CCND3: variants seen among roughly 807,000 people sequenced by gnomAD.
CCND3 encodes the protein G1/S-specific cyclin-D3.
CCND3 carries 9 observed loss-of-function variants against 28.7 expected under a neutral mutation model. The ratio of observed to expected loss-of-function variants is 0.31; its 90% CI spans 0.19 to 0.55. The LOEUF (loss-of-function observed/expected upper bound fraction) is 0.55. Among genes scored for constraint, CCND3 ranks in the 20% least tolerant of loss-of-function variants. The pLI is 0.93. For synonymous variants in CCND3, 164 were observed against 163.9 expected (o/e 1.00, Z 0.00); for missense variants, 315 against 385.8 (o/e 0.82, Z 1.54).
rs781708411 is a variant in CCND3, at chr6:41,936,147, C to T, written c.712-40G>A. ...GAAGAGTGAGGAGCAAACACTCCCCCCATAGCATCTGGCAGCAGGTGCAGG... is the reference window on the plus strand; with the variant it reads ...GAAGAGTGAGGAGCAAACACTCCCCTCATAGCATCTGGCAGCAGGTGCAGG... On this transcript the variant is annotated intron_variant, in intron 4 of 4. Coordinates refer to ENST00000372991, the MANE Select transcript of CCND3 (RefSeq NM_001760.5). The surrounding 1 kb of genome is among the most constrained non-coding windows in gnomAD (Gnocchi z 4.4). The T allele has an allele frequency of 2.2e-5, 33 of 1,529,430 alleles. No individual in the cohort carries two copies. The Admixed American group carries it at 6.4e-4, about 30-fold the overall frequency. 94.7% of individuals were successfully genotyped at this position (1,529,430 alleles called of 1,614,324 possible).
chr6:42,007,357 T>C (rs1024146868), intron 1 of CCND3, among the ~76,000 whole-genome samples: 1 of 152,132 alleles, frequency 6.6e-6, no homozygotes, highest in African/African-American at 2.4e-5. Flanking sequence ...TGGATGGCCA[T>C]GAGGGTGGCT....
At position 41,941,054 on chromosome 6, in the gene CCND3, A is replaced by G; in HGVS notation, c.198+398T>C. The G allele has an allele frequency of 6.3e-7, 1 of 1,592,284 alleles. No homozygotes were observed. Among genetic ancestry groups the G allele is most frequent in the Non-Finnish European group, 8.6e-7 (1 of 1,168,134 alleles). ...CACCCCCATCGCCTTCCCCGCCAGAACCCCGCGAAAGACACAGGAACCGGC... is the reference window on the plus strand; with the variant it reads ...CACCCCCATCGCCTTCCCCGCCAGAGCCCCGCGAAAGACACAGGAACCGGC... On this transcript the variant is annotated intron_variant, in intron 1 of 4. Coordinates refer to ENST00000372991, the MANE Select transcript of CCND3 (RefSeq NM_001760.5). The surrounding 1 kb of genome is among the most constrained non-coding windows in gnomAD (Gnocchi z 6.1).
At chr6:41,985,561 C>G (rs1184510503) in intron 1 of CCND3, among the ~76,000 whole-genome samples, 2 of 150,994 alleles carry the variant, frequency 1.3e-5, no homozygotes, top group African/African-American at 4.9e-5. Flanking sequence ...GTAATCCACC[C>G]GCCTCGGCCT....
intron 1 of CCND3, among the ~76,000 whole-genome samples, chr6:41,954,619 G>A (rs969068962): frequency 2.0e-5 from 3 of 151,704 alleles, no homozygotes; most frequent in African/African-American, 7.3e-5. Context: ...GGCTGGTCTT[G>A]AACTCCTGGC....
At chr6:41,974,097 C>T (rs1391250566) in intron 1 of CCND3, among the ~76,000 whole-genome samples, 1 of 152,132 alleles carries the variant, frequency 6.6e-6, no homozygotes, top group African/African-American at 2.4e-5. Flanking sequence ...GCAGGGGAAT[C>T]GCTTGAACCC....
intron 1 of CCND3, among the ~76,000 whole-genome samples, chr6:41,947,376 A>G (rs1015086581): frequency 6.6e-6 from 1 of 152,226 alleles, no homozygotes; most frequent in Non-Finnish European, 1.5e-5. Flanking sequence ...CAACACCACA[A>G]GGATGTCCGA....
At chr6:41,946,878 A>G (rs1478435310) in intron 1 of CCND3, among the ~76,000 whole-genome samples, 4 of 152,062 alleles carry the variant, frequency 2.6e-5, no homozygotes, top group African/African-American at 9.7e-5. Flanking sequence ...TGAAGTCAGG[A>G]GTTCAAGACC....
At chr6:42,003,208 A>G (rs1763066344) in intron 1 of CCND3, among the ~76,000 whole-genome samples, 1 of 82,396 alleles carries the variant, frequency 1.2e-5, no homozygotes, top group African/African-American at 4.8e-5. Context: ...AACCAAGCAC[A>G]GAACTTATGA....
rs530798216 is a variant in CCND3, at chr6:42,001,895, A to G, written c.-46+46606T>C. Among the ~76,000 whole-genome samples the G allele has an allele frequency of 1.5e-3, 227 of 152,156 alleles. 1 individual carries two copies. The highest frequency in any genetic ancestry group is 2.3e-3 in the Non-Finnish European group (159 of 67,992). The stretch of plus-strand genomic sequence containing the variant: ...TTTGGGAGGCTGAGGTGGGTGGATC[A>G]CCTGAGGTCAGGAGTTCAAGACCAG... On this transcript the variant is annotated intron_variant, in intron 1 of 4. Coordinates refer to the CCND3 transcript ENST00000372988.
intron 1 of CCND3, among the ~76,000 whole-genome samples, chr6:41,987,515 C>CTGTGTGTGTG (rs1314945814): frequency 2.4e-5 from 1 of 41,240 alleles, no homozygotes; most frequent in African/African-American, 2.1e-4. Context: ...CTCTCTCTCT[C>CTGTGTGTGTG]TCTGTGTGTG....
intron 1 of CCND3, among the ~76,000 whole-genome samples, chr6:41,961,486 G>T (rs1761715777): frequency 6.6e-6 from 1 of 152,172 alleles, no homozygotes; most frequent in Non-Finnish European, 1.5e-5. Flanking sequence ...AGAATCGCTT[G>T]AAGCCAGGAG....
chr6:42,001,855 C>T (rs965604452), intron 1 of CCND3, among the ~76,000 whole-genome samples: 2 of 152,148 alleles, frequency 1.3e-5, no homozygotes, highest in Non-Finnish European at 2.9e-5. Flanking sequence ...TAGCTCATGC[C>T]TATAATCCCA....
intron 1 of CCND3, among the ~76,000 whole-genome samples, chr6:41,988,359 C>T (rs1387421108): frequency 2.6e-5 from 4 of 152,142 alleles, no homozygotes; most frequent in East Asian, 3.9e-4. Context: ...ATTCTTACAG[C>T]CGCTCACCAT....
In CCND3 at chr6:41,935,946, G is replaced by A. The variant is rs1775772985; in HGVS notation, c.873C>T (p.His291=). The change falls in exon 5 of 5, where the codon CAC becomes CAT. Residue 291 remains histidine (H), a synonymous_variant. Coordinates refer to ENST00000372991, the MANE Select transcript of CCND3 (RefSeq NM_001760.5). ...TSTPTDVTAI[H]L ...CCAGAGGGCCTCTCCAGGGCTACAG[G>A]TGTATGGCTGTGACATCTGTAGGAG... 1.9e-6 allele frequency: 3 copies of A among 1,610,328 alleles called. No homozygotes were observed. The highest frequency in any genetic ancestry group is 2.5e-6 in the Non-Finnish European group (3 of 1,178,542).
intron 1 of CCND3, among the ~76,000 whole-genome samples, chr6:41,971,378 G>A (rs1311790161): frequency 3.9e-5 from 6 of 151,980 alleles, no homozygotes; most frequent in African/African-American, 2.4e-5. Flanking sequence ...CCATCCTCCC[G>A]CCTCAGCCTC....
At chr6:41,996,481 C>G (rs909111831) in intron 1 of CCND3, among the ~76,000 whole-genome samples, 1 of 151,852 alleles carries the variant, frequency 6.6e-6, no homozygotes, top group African/African-American at 2.4e-5. Flanking sequence ...AAATCTTCCT[C>G]ATATGTGGGT....
intron 1 of CCND3, among the ~76,000 whole-genome samples, chr6:42,044,712 A>G (rs1764478223): frequency 6.6e-6 from 1 of 152,080 alleles, no homozygotes; most frequent in Non-Finnish European, 1.5e-5. Context: ...ATCTTCCAGA[A>G]TTTGACCTGA....
At chr6:41,962,614 T>C (rs2127404784) in intron 1 of CCND3, among the ~76,000 whole-genome samples, 1 of 152,266 alleles carries the variant, frequency 6.6e-6, no homozygotes, top group African/African-American at 2.4e-5. Context: ...TACCTAAATG[T>C]GGTGTGCACC....
intron 1 of CCND3, among the ~76,000 whole-genome samples, chr6:41,993,625 G>A (rs1762717051): frequency 6.6e-6 from 1 of 151,526 alleles, no homozygotes; most frequent in Non-Finnish European, 1.5e-5. Flanking sequence ...GGCCAGGCTG[G>A]TCTTGAACTT....
Sources: allele counts gnomAD v4.1 joint callset (sites outside exome capture counted in the v4.1 genomes callset), GRCh38; gene constraint gnomAD v4.1.1; non-coding constraint Gnocchi (gnomAD v3.1); transcripts MANE v1.5; gene names NCBI Gene and HGNC (gene_info 2026-07-23, HGNC 2026-07-21).